Variants in SYN3 observed in about 807,000 individuals in gnomAD.
SYN3 encodes the protein synapsin III.
Under a neutral mutation model 65.8 loss-of-function variants are expected in SYN3, and 35 were observed. That is an observed-to-expected ratio of 0.53 (90% CI 0.41 to 0.70). SYN3 has a LOEUF of 0.70. Ranked by LOEUF, SYN3 falls within the 30% of genes least tolerant of loss-of-function variation. The pLI is 0.00. For missense variants in SYN3, 680 were observed against 749.0 expected, an observed-to-expected ratio of 0.91 and a Z score of 1.08; for synonymous variants, 270 against 292.9, an observed-to-expected ratio of 0.92 and a Z score of 0.80.
intron 1 of SYN3, among the ~76,000 whole-genome samples, chr22:33,051,536 G>A (rs1216426671): frequency 6.9e-6 from 1 of 145,862 alleles, no homozygotes; most frequent in Non-Finnish European, 1.5e-5. Flanking sequence ...TTTAGGTAGA[G>A]GCAATAATCC....
intron 6 of SYN3, among the ~76,000 whole-genome samples, chr22:32,631,120 C>A (rs1437081904): frequency 6.6e-6 from 1 of 152,046 alleles, no homozygotes; most frequent in Non-Finnish European, 1.5e-5. Context: ...CATGGAGAAA[C>A]CCTGTCTCTA....
intron 3 of SYN3, among the ~76,000 whole-genome samples, chr22:32,936,498 C>A (rs1434166874): frequency 1.3e-5 from 2 of 152,022 alleles, no homozygotes; most frequent in African/African-American, 4.8e-5. Flanking sequence ...ATAAAACAAA[C>A]AAACAAACAA....
At chr22:33,020,143 T>C (rs115796000) in intron 1 of SYN3, among the ~76,000 whole-genome samples, 1,998 of 152,280 alleles carry the variant, frequency 0.013, 32 homozygotes, top group African/African-American at 0.044. Flanking sequence ...CCCCAAAGCA[T>C]TTAACCAAAC....
At chr22:33,050,479 C>CAAAAAAAAAAA (rs58653594) in intron 1 of SYN3, among the ~76,000 whole-genome samples, 1 of 108,512 alleles carries the variant, frequency 9.2e-6, no homozygotes, top group Non-Finnish European at 1.8e-5. Flanking sequence ...GAGACTGTTT[C>CAAAAAAAAAAA]AAAAAAAAAA....
intron 3 of SYN3, among the ~76,000 whole-genome samples, chr22:32,949,959 G>A (rs1310056415): frequency 6.6e-6 from 1 of 152,214 alleles, no homozygotes; most frequent in Non-Finnish European, 1.5e-5. Flanking sequence ...GACACAACGA[G>A]ATGTTGTCCA....
Position 32,508,231 on chromosome 22 carries a change from CTTAACT to C in SYN3, c.*5455_*5460del, listed in dbSNP as rs1178232876. Reference sequence around the variant, plus strand: ...CCATTGTGATTTGTTCCTGCCCCACCTTAACTGAGTGATTAACCCTGTAAATTTCCT... The same window carrying C: ...CCATTGTGATTTGTTCCTGCCCCACCGAGTGATTAACCCTGTAAATTTCCT... On this transcript the variant is annotated 3_prime_UTR_variant, in exon 14 of 14. Transcript: ENST00000358763. Among the ~76,000 whole-genome samples the C allele has an allele frequency of 6.6e-6, 1 of 152,148 alleles. No individual in the cohort carries two copies. The highest frequency in any genetic ancestry group is 1.5e-5 in the Non-Finnish European group (1 of 68,020).
intron 6 of SYN3, among the ~76,000 whole-genome samples, chr22:32,807,328 TAA>T (rs1267655200): frequency 2.4e-5 from 2 of 82,448 alleles, no homozygotes; most frequent in Non-Finnish European, 4.4e-5. Flanking sequence ...TATAAATATA[TAA>T]TTTATATATA....
Position 32,518,386 on chromosome 22 carries a change from A to C in SYN3, c.1319-52T>G. Reference sequence around the variant, plus strand: ...AGTTCAATTTTTTTTCTTAGGATAGATATGGCTGTACACAAATAATGTTGC... The same window carrying C: ...AGTTCAATTTTTTTTCTTAGGATAGCTATGGCTGTACACAAATAATGTTGC... On this transcript the variant is annotated intron_variant, in intron 12 of 13. Coordinates refer to ENST00000358763, the MANE Select transcript of SYN3 (RefSeq NM_003490.4). The C allele has an allele frequency of 3.1e-6, 5 of 1,598,366 alleles. No homozygotes were observed. In the South Asian group the frequency reaches 3.3e-5, roughly 11 times the overall value.
At chr22:32,927,168 C>T (rs996678361) in intron 4 of SYN3, among the ~76,000 whole-genome samples, 1 of 151,960 alleles carries the variant, frequency 6.6e-6, no homozygotes, top group Non-Finnish European at 1.5e-5. Context: ...CAGATCAGAC[C>T]TGCTGTTATA....
At chr22:32,920,203 T>C (rs2050300926) in intron 4 of SYN3, among the ~76,000 whole-genome samples, 1 of 152,246 alleles carries the variant, frequency 6.6e-6, no homozygotes, top group Non-Finnish European at 1.5e-5. Context: ...TGCTGGAAAC[T>C]GAGAGCAGAA....
chr22:32,525,801 G>A (rs1388113310), intron 12 of SYN3, among the ~76,000 whole-genome samples: 2 of 152,186 alleles, frequency 1.3e-5, no homozygotes, highest in African/African-American at 4.8e-5. Flanking sequence ...GCAGCAGCAG[G>A]TTTTGCGAGG....
intron 4 of SYN3, among the ~76,000 whole-genome samples, chr22:32,906,976 A>C (rs2049920319): frequency 1.3e-5 from 2 of 152,172 alleles, no homozygotes; most frequent in African/African-American, 4.8e-5. Context: ...ATACATGTGC[A>C]TGTGTCTTTA....
intron 3 of SYN3, among the ~76,000 whole-genome samples, chr22:32,966,065 G>C (rs2051834061): frequency 1.3e-5 from 2 of 152,144 alleles, no homozygotes; most frequent in African/African-American, 4.8e-5. Flanking sequence ...AATATTTGTG[G>C]AATGAATAAA....
At chr22:33,043,410 C>T (rs1432032367) in intron 1 of SYN3, among the ~76,000 whole-genome samples, 2 of 152,000 alleles carry the variant, frequency 1.3e-5, no homozygotes, top group Non-Finnish European at 2.9e-5. Context: ...TAGCTGGGTG[C>T]GGTCACGGGC....
chr22:32,702,097 C>T (rs1467764404), intron 6 of SYN3, among the ~76,000 whole-genome samples: 4 of 152,160 alleles, frequency 2.6e-5, no homozygotes, highest in African/African-American at 7.2e-5. Flanking sequence ...TAATTATTTA[C>T]GTATTATCTT....
At chr22:32,860,919 T>G (rs1321098060) in intron 6 of SYN3, 1 of 151,356 alleles carries the variant, frequency 6.6e-6, no homozygotes, top group Non-Finnish European at 1.5e-5. Flanking sequence ...TTGTGTTTTT[T>G]TTTTTTTTTT....
intron 6 of SYN3, among the ~76,000 whole-genome samples, chr22:32,816,527 T>C (rs2047091853): frequency 6.6e-6 from 1 of 152,166 alleles, no homozygotes; most frequent in African/African-American, 2.4e-5. Context: ...CTTTTTTATT[T>C]TTGGTGAGGA....
At chr22:32,579,922 T>C (rs2058912327) in intron 7 of SYN3, among the ~76,000 whole-genome samples, 1 of 152,228 alleles carries the variant, frequency 6.6e-6, no homozygotes, top group Non-Finnish European at 1.5e-5. Flanking sequence ...ACCACATGTT[T>C]ATAGAGTTAC....
intron 1 of SYN3, among the ~76,000 whole-genome samples, chr22:33,032,956 G>A (rs765796845): frequency 1.3e-5 from 2 of 151,876 alleles, no homozygotes; most frequent in Admixed American, 6.6e-5. Flanking sequence ...TCAGGCACAC[G>A]TTCTCAGGGC....
Sources: allele counts gnomAD v4.1 joint callset (sites outside exome capture counted in the v4.1 genomes callset), GRCh38; gene constraint gnomAD v4.1.1; transcripts MANE v1.5; gene names NCBI Gene and HGNC (gene_info 2026-07-23, HGNC 2026-07-21).